ZNF277: variants seen among roughly 807,000 people sequenced by gnomAD.
The protein encoded by ZNF277 is nuclear receptor-interacting factor 4.
Under a neutral mutation model 60.7 loss-of-function variants are expected in ZNF277, and 55 were observed. The ratio of observed to expected loss-of-function variants is 0.91; its 90% CI spans 0.73 to 1.13. The LOEUF is 1.13. Ranked by LOEUF, ZNF277 falls within the 50% of genes most tolerant of loss-of-function variation. The probability of loss-of-function intolerance (pLI) is 0.00; values close to 1 mark genes in which losing one functional copy is unlikely to be tolerated. For synonymous variants in ZNF277, 178 were observed against 179.3 expected (o/e 0.99, Z 0.06); for missense variants, 510 against 523.0 (o/e 0.98, Z 0.24).
chr7:112,317,081 CATAAGT>C (rs1792862302), intron 4 of ZNF277, among the ~76,000 whole-genome samples: 1 of 152,028 alleles, frequency 6.6e-6, no homozygotes, highest in Non-Finnish European at 1.5e-5. Flanking sequence ...TGTTCTCACT[CATAAGT>C]AAGAGTTGAA....
chr7:112,262,608 T>C (rs563843738), intron 1 of ZNF277, among the ~76,000 whole-genome samples: 1 of 152,272 alleles, frequency 6.6e-6, no homozygotes, highest in South Asian at 2.1e-4. Context: ...GTTTGTTCTG[T>C]AGCATTGCCC....
At chr7:112,245,079 C>T (rs1361341255) in intron 1 of ZNF277, among the ~76,000 whole-genome samples, 1 of 152,104 alleles carries the variant, frequency 6.6e-6, no homozygotes, top group Non-Finnish European at 1.5e-5. Context: ...CAAAATATTT[C>T]TTCTCACATC....
intron 1 of ZNF277, among the ~76,000 whole-genome samples, chr7:112,243,310 A>C (rs1435949883): frequency 1.3e-5 from 2 of 152,074 alleles, no homozygotes; most frequent in African/African-American, 4.8e-5. Flanking sequence ...CAAATGCAAC[A>C]AAAACAAAGA....
chr7:112,304,041 C>A (rs1792538141), intron 4 of ZNF277, among the ~76,000 whole-genome samples: 1 of 152,022 alleles, frequency 6.6e-6, no homozygotes, highest in African/African-American at 2.4e-5. Flanking sequence ...AAATGTATCT[C>A]TGTTTTTTAT....
At chr7:112,264,495 T>C (rs1791502360) in intron 1 of ZNF277, among the ~76,000 whole-genome samples, 1 of 152,140 alleles carries the variant, frequency 6.6e-6, no homozygotes, top group African/African-American at 2.4e-5. Context: ...GAAGAATCGG[T>C]TAAACAAATT....
At chr7:112,296,931 T>TATTTTTTTTTTTTTTTTTTATTTTA (rs1563219797) in intron 4 of ZNF277, among the ~76,000 whole-genome samples, 1 of 84,072 alleles carries the variant, frequency 1.2e-5, no homozygotes, top group Non-Finnish European at 2.6e-5. Context: ...TTTTTTTTTT[T>TATTTTTTTTTTTTTTTTTTATTTTA]TTTTTTTTTT....
chr7:112,268,776 C>T (rs1022949910), intron 1 of ZNF277, among the ~76,000 whole-genome samples: 3 of 152,196 alleles, frequency 2.0e-5, no homozygotes, highest in Non-Finnish European at 4.4e-5. Flanking sequence ...GATTTACTCT[C>T]AATTTTTTTA....
intron 4 of ZNF277, among the ~76,000 whole-genome samples, chr7:112,317,469 G>T (rs1274588913): frequency 1.3e-5 from 2 of 151,964 alleles, no homozygotes; most frequent in Non-Finnish European, 2.9e-5. Context: ...GAATCAAGTG[G>T]GATCTTGATT....
chr7:112,290,130 A>G (rs1406424580), intron 2 of ZNF277, among the ~76,000 whole-genome samples: 1 of 152,128 alleles, frequency 6.6e-6, no homozygotes, highest in Non-Finnish European at 1.5e-5. Flanking sequence ...CTAGCCATGA[A>G]ACTGTTCTTT....
At chr7:112,318,120 G>T in intron 4 of ZNF277, 62 bp from the exon 5 acceptor site, 2 of 1,408,574 alleles carry the variant, frequency 1.4e-6, no homozygotes, top group African/African-American at 1.4e-5. Flanking sequence ...TCCAGACTTT[G>T]ACATTTTTTA....
intron 1 of ZNF277, among the ~76,000 whole-genome samples, chr7:112,250,365 C>T (rs932673854): frequency 7.9e-5 from 12 of 152,174 alleles, no homozygotes; most frequent in Admixed American, 2.0e-4. Flanking sequence ...AATTTAGCCT[C>T]GGTCCTGTGG....
At chr7:112,240,605 A>G (rs1053700623) in intron 1 of ZNF277, among the ~76,000 whole-genome samples, 6 of 152,176 alleles carry the variant, frequency 3.9e-5, no homozygotes, top group African/African-American at 1.4e-4. Context: ...AGCTATGATA[A>G]CCAAAACAGT....
chr7:112,342,496 A>G, intron 11 of ZNF277, 65 bp from the exon 12 acceptor site: 1 of 1,342,288 alleles, frequency 7.4e-7, no homozygotes, highest in Non-Finnish European at 9.8e-7. Context: ...AAATGTGTAC[A>G]TTCAGCTACC....
At chr7:112,289,692 A>C (rs145339491) in intron 2 of ZNF277, among the ~76,000 whole-genome samples, 80 of 152,290 alleles carry the variant, frequency 5.3e-4, no homozygotes, top group African/African-American at 1.9e-3. Context: ...GAAATACTAC[A>C]TAGGTTATTC....
At chr7:112,223,475 A>C (rs1822089182) in intron 1 of ZNF277, among the ~76,000 whole-genome samples, 1 of 152,204 alleles carries the variant, frequency 6.6e-6, no homozygotes, top group Non-Finnish European at 1.5e-5. Context: ...TCCATGGTGG[A>C]TAGTTTTGGA....
chr7:112,280,292 C>T (rs781107768), intron 1 of ZNF277, among the ~76,000 whole-genome samples: 1 of 152,080 alleles, frequency 6.6e-6, no homozygotes, highest in Non-Finnish European at 1.5e-5. Flanking sequence ...GTATGAGAAG[C>T]GCTTCCCTAG....
chr7:112,322,837 G>A (rs1313873370), intron 5 of ZNF277, among the ~76,000 whole-genome samples: 2 of 151,958 alleles, frequency 1.3e-5, no homozygotes, highest in Non-Finnish European at 2.9e-5. Context: ...AATATAATGT[G>A]GCAACTCTGG....
intron 4 of ZNF277, among the ~76,000 whole-genome samples, chr7:112,315,995 T>A (rs1792836322): frequency 6.6e-6 from 1 of 152,162 alleles, no homozygotes; most frequent in Non-Finnish European, 1.5e-5. Flanking sequence ...TGTATCGACA[T>A]GTGCTACAAT....
At chr7:112,279,463 C>A (rs1584371977) in intron 1 of ZNF277, among the ~76,000 whole-genome samples, 1 of 152,134 alleles carries the variant, frequency 6.6e-6, no homozygotes, top group Non-Finnish European at 1.5e-5. Flanking sequence ...AGCACCTTTT[C>A]ATATACCTGT....
Sources: allele counts gnomAD v4.1 joint callset (sites outside exome capture counted in the v4.1 genomes callset), GRCh38; gene constraint gnomAD v4.1.1; transcripts MANE v1.5; gene names NCBI Gene and HGNC (gene_info 2026-07-23, HGNC 2026-07-21).